MAP2K6: variants seen among roughly 807,000 people sequenced by gnomAD.
The protein encoded by MAP2K6 is mitogen-activated protein kinase kinase 6.
A neutral mutation model predicts 53.7 loss-of-function variants in MAP2K6; 16 were observed. That is an observed-to-expected ratio of 0.30 (90% CI 0.20 to 0.45). The LOEUF (loss-of-function observed/expected upper bound fraction) is 0.45. MAP2K6 is among the 20% of genes least tolerant of loss of function. The pLI is 1.00. For synonymous variants in MAP2K6, 132 were observed against 143.1 expected, an observed-to-expected ratio of 0.92 and a Z score of 0.55; for missense variants, 204 against 411.9, an observed-to-expected ratio of 0.50 and a Z score of 4.37.
At chr17:69,490,165 C>G (rs1908687663) in intron 1 of MAP2K6, among the ~76,000 whole-genome samples, 1 of 152,192 alleles carries the variant, frequency 6.6e-6, no homozygotes, top group South Asian at 2.1e-4. Context: ...GGGGAAAGAG[C>G]TGCATTTCTT....
In MAP2K6 at chr17:69,546,020, C is replaced by CAAAAAAAAA. The variant is rs34112033; in HGVS notation, c.*4277_*4285dup. ...GGGCAACAAGAGCAAAACTTCATCTCAAAAAAAAAAAAAAAAAATGTACAA... is the reference window on the plus strand; with the variant it reads ...GGGCAACAAGAGCAAAACTTCATCTCAAAAAAAAAAAAAAAAAAAAAAAAAAATGTACAA... On this transcript the variant is annotated 3_prime_UTR_variant, in exon 12 of 12. Transcript: ENST00000590474. 7.7e-6 allele frequency: 1 copy of CAAAAAAAAA among 129,980 alleles called. No individual in the cohort carries two copies. Among genetic ancestry groups the CAAAAAAAAA allele is most frequent in the Non-Finnish European group, 1.7e-5 (1 of 59,152 alleles). 8.1% of individuals were successfully genotyped at this position (129,980 alleles called of 1,614,324 possible).
intron 1 of MAP2K6, among the ~76,000 whole-genome samples, chr17:69,498,946 C>T (rs72850506): frequency 0.033 from 4,997 of 152,210 alleles, 233 homozygotes; most frequent in East Asian, 0.15. Flanking sequence ...TCATGTCTGG[C>T]CACTGGTTTG....
intron 1 of MAP2K6, among the ~76,000 whole-genome samples, chr17:69,493,751 ACT>A (rs1288601171): frequency 6.8e-6 from 1 of 146,050 alleles, no homozygotes; most frequent in East Asian, 2.0e-4. Context: ...ACAGAGTGAA[ACT>A]CCATCTCAAG....
In MAP2K6 at chr17:69,515,176, A is replaced by G. The variant is rs62080954; in HGVS notation, c.84-1679A>G. On this transcript the variant is annotated intron_variant, in intron 2 of 11. Transcript: ENST00000590474. Reference sequence around the variant, plus strand: ...CGAAATTTGCTTTTTTTTTTTTTTAATACAGAGTCTCACTCTGTCACCCAG... The same window carrying G: ...CGAAATTTGCTTTTTTTTTTTTTTAGTACAGAGTCTCACTCTGTCACCCAG... Among the ~76,000 whole-genome samples, 35 of 148,726 alleles carry G rather than the reference A, an allele frequency of 2.4e-4. 1 individual carries two copies. The highest frequency in any genetic ancestry group is 1.3e-4 in the Admixed American group (2 of 14,968).
intron 1 of MAP2K6, among the ~76,000 whole-genome samples, chr17:69,421,531 G>T (rs1033316508): frequency 1.3e-5 from 2 of 150,528 alleles, no homozygotes; most frequent in Non-Finnish European, 3.0e-5. Context: ...TCCTTTTTTT[G>T]TTGTTGTTTT....
In MAP2K6 at chr17:69,553,823, A is replaced by C. The variant is rs1265825744; in HGVS notation, c.*12070A>C. ...TGAAAGAAAATGGTGTGTTGATCTC[A>C]TAAGAAAATGTACAACCAATAAAAG... is the stretch of plus-strand genomic sequence containing the variant. On this transcript the variant is annotated 3_prime_UTR_variant, in exon 12 of 12. Transcript: ENST00000590474. 6.6e-6 allele frequency: 1 copy of C among 151,206 alleles called. No individual in the cohort carries two copies. The highest frequency in any genetic ancestry group is 2.4e-5 in the African/African-American group (1 of 41,078). 9.4% of individuals were successfully genotyped at this position (151,206 alleles called of 1,614,324 possible).
At chr17:69,521,742 A>C (rs1274454978) in intron 7 of MAP2K6, 1 of 144,862 alleles carries the variant, frequency 6.9e-6, no homozygotes, top group African/African-American at 2.5e-5. Context: ...GAGGTATCTG[A>C]GAAGAAAATA....
chr17:69,470,614 C>T (rs1341936701), intron 1 of MAP2K6, among the ~76,000 whole-genome samples: 3 of 152,168 alleles, frequency 2.0e-5, no homozygotes, highest in Non-Finnish European at 2.9e-5. Context: ...AAGTGAAGTG[C>T]CATCTCATGG....
intron 1 of MAP2K6, among the ~76,000 whole-genome samples, chr17:69,432,535 C>T (rs140953925): frequency 1.8e-3 from 268 of 152,198 alleles, no homozygotes; most frequent in African/African-American, 6.2e-3. Flanking sequence ...CCATCATCCT[C>T]AGCAAACTAA....
chr17:69,513,095 G>T (rs1297115290), intron 2 of MAP2K6, among the ~76,000 whole-genome samples: 1 of 152,090 alleles, frequency 6.6e-6, no homozygotes, highest in African/African-American at 2.4e-5. Flanking sequence ...CTGCAGAATC[G>T]CAATGCCCCT....
intron 5 of MAP2K6, 64 bp from the exon 6 acceptor site, chr17:69,520,206 T>A (rs1342808776): frequency 2.8e-5 from 24 of 858,812 alleles, no homozygotes; most frequent in Non-Finnish European, 3.9e-5. Context: ...ACTGTTTTTT[T>A]TTTTTATTTT....
intron 1 of MAP2K6, among the ~76,000 whole-genome samples, chr17:69,416,490 A>C (rs707248): frequency 0.38 from 58,507 of 151,978 alleles, 11,790 homozygotes; most frequent in Middle Eastern, 0.46. Context: ...AAGAGATGGC[A>C]TTTAGTTACT....
At chr17:69,428,156 A>G (rs1218632401) in intron 1 of MAP2K6, among the ~76,000 whole-genome samples, 1 of 152,212 alleles carries the variant, frequency 6.6e-6, no homozygotes, top group Non-Finnish European at 1.5e-5. Context: ...TGGGATGTCT[A>G]TGTTTGCTAG....
chr17:69,502,097 AT>A (rs1909200229), intron 1 of MAP2K6: 2 of 897,162 alleles, frequency 2.2e-6, no homozygotes, highest in South Asian at 1.0e-4. Context: ...TACTGTCCAG[AT>A]TTATAGATTT....
At chr17:69,479,719 CT>C (rs557461445) in intron 1 of MAP2K6, among the ~76,000 whole-genome samples, 14,101 of 137,094 alleles carry the variant, frequency 0.1, 787 homozygotes, top group African/African-American at 0.19. Context: ...TCCTTTTGTT[CT>C]TTTTTTTTTT....
intron 1 of MAP2K6, among the ~76,000 whole-genome samples, chr17:69,479,006 G>A (rs988744302): frequency 1.3e-5 from 2 of 152,074 alleles, no homozygotes; most frequent in Non-Finnish European, 2.9e-5. Context: ...CATATTGAAT[G>A]TGTGTGTCTC....
At chr17:69,486,014 C>T (rs1328799632) in intron 1 of MAP2K6, among the ~76,000 whole-genome samples, 1 of 152,052 alleles carries the variant, frequency 6.6e-6, no homozygotes, top group Non-Finnish European at 1.5e-5. Context: ...TTCCTATTTC[C>T]ATTTATGTAA....
At chr17:69,475,274 T>C (rs1334691706) in intron 1 of MAP2K6, among the ~76,000 whole-genome samples, 3 of 148,566 alleles carry the variant, frequency 2.0e-5, no homozygotes, top group Non-Finnish European at 3.0e-5. Context: ...GTTCACGCCA[T>C]TCTCCTGCCT....
chr17:69,450,085 C>T (rs1357900496), intron 1 of MAP2K6, among the ~76,000 whole-genome samples: 2 of 146,704 alleles, frequency 1.4e-5, no homozygotes, highest in Non-Finnish European at 3.0e-5. Flanking sequence ...CAGGTGTGCA[C>T]TACCACACCT....
Sources: allele counts gnomAD v4.1 joint callset (sites outside exome capture counted in the v4.1 genomes callset), GRCh38; gene constraint gnomAD v4.1.1; transcripts MANE v1.5; gene names NCBI Gene and HGNC (gene_info 2026-07-23, HGNC 2026-07-21).